The following ABRAXAS2 variants were observed in gnomAD, a reference collection of about 807,000 sequenced individuals.
The protein encoded by ABRAXAS2 is BRISC complex subunit Abraxas 2.
A neutral mutation model predicts 49.0 loss-of-function variants in ABRAXAS2; 23 were observed. The observed-to-expected ratio is 0.47, with a 90% CI of 0.34 to 0.66. The LOEUF (loss-of-function observed/expected upper bound fraction) is 0.66. ABRAXAS2 is among the 30% of genes least tolerant of loss of function. ABRAXAS2 has a pLI of 0.01. For missense variants in ABRAXAS2, 443 were observed against 511.9 expected (o/e 0.87, Z 1.30); for synonymous variants, 168 against 180.2 (o/e 0.93, Z 0.54).
chr10:124,807,186 G>A (rs1423271938), intron 2 of ABRAXAS2, among the ~76,000 whole-genome samples: 2 of 151,800 alleles, frequency 1.3e-5, no homozygotes, highest in Non-Finnish European at 1.5e-5. Flanking sequence ...GGTGGCGGAC[G>A]CCTGTAGTCC....
chr10:124,813,722 TC>T (rs1404580733), intron 2 of ABRAXAS2, among the ~76,000 whole-genome samples: 2 of 152,172 alleles, frequency 1.3e-5, no homozygotes, highest in African/African-American at 2.4e-5. Flanking sequence ...AGCTTTAACT[TC>T]CTTCAAAAAG....
At chr10:124,823,293 C>CAAA (rs1408194569) in intron 4 of ABRAXAS2, among the ~76,000 whole-genome samples, 2 of 151,992 alleles carry the variant, frequency 1.3e-5, no homozygotes, top group African/African-American at 4.8e-5. Flanking sequence ...ATCATTACCT[C>CAAA]AAAAGGGTGG....
intron 2 of ABRAXAS2, among the ~76,000 whole-genome samples, chr10:124,816,164 G>C (rs1450013944): frequency 6.6e-6 from 1 of 152,118 alleles, no homozygotes; most frequent in African/African-American, 2.4e-5. Context: ...GCTTCCCAAA[G>C]TGCTGGGATT....
chr10:124,816,493 T>TTA (rs1950825995), intron 2 of ABRAXAS2, 83 bp from the exon 3 acceptor site: 9 of 635,182 alleles, frequency 1.4e-5, no homozygotes, highest in African/African-American at 3.7e-5. Context: ...AGATTTTGAT[T>TTA]AAAAAAAAAA....
At position 124,810,224 on chromosome 10, in the gene ABRAXAS2, T is replaced by C. The variant is rs114364637; in HGVS notation, c.163+3303T>C. Among the ~76,000 whole-genome samples the C allele has an allele frequency of 5.8e-3, 876 of 152,306 alleles. 17 individuals carry two copies. The highest frequency in any genetic ancestry group is 0.02 in the African/African-American group (848 of 41,570). ...ACCCACTCACCACATTATAGACTTATTTACTAAGTAAAGGTTTGAAACTGG... is the reference window on the plus strand; with the variant it reads ...ACCCACTCACCACATTATAGACTTACTTACTAAGTAAAGGTTTGAAACTGG... On this transcript the variant is annotated intron_variant, in intron 2 of 8. Coordinates refer to ENST00000298492, the MANE Select transcript of ABRAXAS2 (RefSeq NM_032182.4).
rs1404922063 is a variant in ABRAXAS2, at chr10:124,835,330, AACTT to A, written c.*362_*365del. On this transcript the variant is annotated 3_prime_UTR_variant, in exon 9 of 9. Coordinates refer to ENST00000298492, the MANE Select transcript of ABRAXAS2 (RefSeq NM_032182.4). Reference sequence around the variant, plus strand: ...GTCTATAAATGTTCTATAAATCAAAAACTTACCTCTTGCACTATCATGCCTTGAA... The same window carrying A: ...GTCTATAAATGTTCTATAAATCAAAAACCTCTTGCACTATCATGCCTTGAA... 4 of 163,132 alleles carry A rather than the reference AACTT, an allele frequency of 2.5e-5. No individual in the cohort carries two copies. The highest frequency in any genetic ancestry group is 2.7e-5 in the Non-Finnish European group (2 of 75,228). The allele number at this position is 163,132 out of a possible 1,614,324, so 10.1% of individuals were successfully genotyped here.
intron 2 of ABRAXAS2, among the ~76,000 whole-genome samples, chr10:124,814,590 C>T (rs1950811792): frequency 6.6e-6 from 1 of 152,080 alleles, no homozygotes; most frequent in Non-Finnish European, 1.5e-5. Context: ...ATCCACCCGC[C>T]TTGGCCTCCC....
intron 2 of ABRAXAS2, among the ~76,000 whole-genome samples, chr10:124,814,344 G>A (rs1950809515): frequency 6.6e-6 from 1 of 151,042 alleles, no homozygotes. Flanking sequence ...GGTTTTATTT[G>A]TACTTTTTTT....
chr10:124,816,460 G>T, intron 2 of ABRAXAS2, 116 bp from the exon 3 acceptor site: 2 of 705,108 alleles, frequency 2.8e-6, no homozygotes, highest in Non-Finnish European at 2.4e-6. Flanking sequence ...TTTGGCAGAG[G>T]GAAAAGCTGT....
intron 1 of ABRAXAS2, among the ~76,000 whole-genome samples, chr10:124,806,403 T>C (rs578120120): frequency 1.1e-4 from 16 of 152,234 alleles, no homozygotes; most frequent in African/African-American, 3.9e-4. Flanking sequence ...TGCCAGCCTG[T>C]ATAAAAGCAT....
At chr10:124,822,791 C>CAAA (rs538474876) in intron 4 of ABRAXAS2, among the ~76,000 whole-genome samples, 3 of 65,732 alleles carry the variant, frequency 4.6e-5, no homozygotes, top group African/African-American at 4.6e-5. Context: ...GACTCCAACT[C>CAAA]AAAAAAAAAA....
chr10:124,816,660 A>G, intron 3 of ABRAXAS2, 48 bp downstream of exon 3: 1 of 1,381,226 alleles, frequency 7.2e-7, no homozygotes, highest in Non-Finnish European at 1.0e-6. Flanking sequence ...ATTGATTGAT[A>G]AAAAAAACTA....
intron 4 of ABRAXAS2, among the ~76,000 whole-genome samples, chr10:124,826,029 A>G (rs1247979319): frequency 6.6e-6 from 1 of 152,218 alleles, no homozygotes; most frequent in African/African-American, 2.4e-5. Flanking sequence ...TAGCCAGTTT[A>G]GTTATGCTAT....
intron 5 of ABRAXAS2, among the ~76,000 whole-genome samples, chr10:124,827,221 G>A (rs2134170765): frequency 6.9e-6 from 1 of 145,092 alleles, no homozygotes; most frequent in East Asian, 2.2e-4. Context: ...GTGCAGTGGT[G>A]CAATCTCGGC....
chr10:124,831,243 C>G, intron 7 of ABRAXAS2, 106 bp from the exon 8 acceptor site: 1 of 707,814 alleles, frequency 1.4e-6, no homozygotes, highest in Non-Finnish European at 2.5e-6. Context: ...TGCTTTTTAA[C>G]TCAATAAACC....
chr10:124,805,015 A>G (rs1171816520), intron 1 of ABRAXAS2, among the ~76,000 whole-genome samples: 2 of 152,024 alleles, frequency 1.3e-5, no homozygotes, highest in African/African-American at 4.8e-5. Context: ...TGCCCGGCCT[A>G]TGTATTTCCT....
intron 1 of ABRAXAS2, 99 bp from the exon 2 acceptor site, chr10:124,806,732 T>C (rs904437084): frequency 4.2e-5 from 32 of 761,828 alleles, no homozygotes; most frequent in Non-Finnish European, 6.4e-5. Context: ...GTTTGGATTA[T>C]TGTGAAAATT....
Position 124,831,431 on chromosome 10 carries a change from C to T in ABRAXAS2, c.746C>T (p.Thr249Ile). ...GTGAACAAATTAAGAAGACAAATCA[C>T]TCAGAGGAAAAATGAAAAGGAACAA... ...AEVNKLRRQI[T>I]QRKNEKEQER... Residue 249 changes from threonine (T) to isoleucine (I), a missense_variant, in exon 8 of 9, where the codon ACT becomes ATT. By Grantham distance (89) the Thr-to-Ile change is moderately conservative. Transcript: ENST00000298492. 6.2e-7 allele frequency: 1 copy of T among 1,605,526 alleles called. No individual in the cohort carries two copies. The highest frequency in any genetic ancestry group is 8.5e-7 in the Non-Finnish European group (1 of 1,173,316).
intron 4 of ABRAXAS2, among the ~76,000 whole-genome samples, chr10:124,822,616 A>C (rs1950868722): frequency 6.6e-6 from 1 of 152,114 alleles, no homozygotes; most frequent in Admixed American, 6.6e-5. Flanking sequence ...GACATGGCAA[A>C]ACCCTGTCTC....
Sources: allele counts gnomAD v4.1 joint callset (sites outside exome capture counted in the v4.1 genomes callset), GRCh38; gene constraint gnomAD v4.1.1; transcripts MANE v1.5; gene names NCBI Gene and HGNC (gene_info 2026-07-23, HGNC 2026-07-21).